GSE1: variants seen among roughly 807,000 people sequenced by gnomAD.
GSE1 encodes the protein Gse1 coiled-coil protein, also known as genetic suppressor element 1.
GSE1 carries 32 observed loss-of-function variants against 112.6 expected under a neutral mutation model. That is an observed-to-expected ratio of 0.28 (90% CI 0.21 to 0.38). The LOEUF (loss-of-function observed/expected upper bound fraction) is 0.38, where lower values mean the gene tolerates loss of function less well. GSE1 is among the 10% of genes least tolerant of loss of function. The pLI is 1.00. For missense variants in GSE1, 2,348 were observed against 1,699.2 expected (o/e 1.38, Z -6.71); for synonymous variants, 1,115 against 735.6 (o/e 1.52, Z -8.35).
intron 1 of GSE1, among the ~76,000 whole-genome samples, chr16:85,205,244 G>C (rs1466044412): frequency 2.0e-5 from 3 of 152,026 alleles, no homozygotes; most frequent in Non-Finnish European, 4.4e-5. Context: ...CTGTTCTCCT[G>C]CCTCAACCTC....
At chr16:85,519,780 A>G (rs976609257) in intron 2 of GSE1, among the ~76,000 whole-genome samples, 3 of 152,184 alleles carry the variant, frequency 2.0e-5, no homozygotes, top group Non-Finnish European at 2.9e-5. Flanking sequence ...CACCGTTGTC[A>G]TCACCACAAC....
chr16:85,264,048 C>T (rs1045830287), intron 1 of GSE1, among the ~76,000 whole-genome samples: 3 of 152,104 alleles, frequency 2.0e-5, no homozygotes, highest in African/African-American at 4.8e-5. Flanking sequence ...GCTCCACAGA[C>T]CCTTAGCACT....
intron 1 of GSE1, among the ~76,000 whole-genome samples, chr16:85,195,565 C>T (rs1015745332): frequency 9.2e-5 from 14 of 152,194 alleles, no homozygotes; most frequent in Admixed American, 5.2e-4. Context: ...TTGTCAAATC[C>T]GCCTTCTTCT....
chr16:85,510,183 G>A (rs2051686887), intron 2 of GSE1, among the ~76,000 whole-genome samples: 1 of 152,228 alleles, frequency 6.6e-6, no homozygotes, highest in Non-Finnish European at 1.5e-5. Context: ...CAGCTGCTCA[G>A]AAAGAAAGTG....
intron 1 of GSE1, among the ~76,000 whole-genome samples, chr16:85,262,427 C>CG (rs1307282721): frequency 2.0e-5 from 3 of 152,236 alleles, no homozygotes; most frequent in South Asian, 2.1e-4. Flanking sequence ...GTCTTTGCAC[C>CG]GGGGGGCCTC....
intron 1 of GSE1, among the ~76,000 whole-genome samples, chr16:85,198,781 C>T (rs2074975215): frequency 6.6e-6 from 1 of 151,912 alleles, no homozygotes. Flanking sequence ...GTGTGGGGTT[C>T]CTTCTTTTTT....
At chr16:85,502,539 C>T (rs2051404451) in intron 2 of GSE1, among the ~76,000 whole-genome samples, 2 of 152,202 alleles carry the variant, frequency 1.3e-5, no homozygotes, top group South Asian at 2.1e-4. Context: ...ACTCAGCCAG[C>T]GCTGGGCCAG....
chr16:85,566,897 G>A (rs978608897), intron 1 of GSE1, among the ~76,000 whole-genome samples: 9 of 152,184 alleles, frequency 5.9e-5, no homozygotes, highest in East Asian at 3.9e-4. Flanking sequence ...GGGCCGCAGC[G>A]GAAGGGCCGG....
At chr16:85,237,904 A>G (rs1904831541) in intron 1 of GSE1, among the ~76,000 whole-genome samples, 1 of 152,146 alleles carries the variant, frequency 6.6e-6, no homozygotes, top group South Asian at 2.1e-4. Context: ...AGACGGGCCT[A>G]TCTGCTGCTC....
chr16:85,478,903 C>CTTTCT (rs1190727690), intron 2 of GSE1, among the ~76,000 whole-genome samples: 1 of 67,532 alleles, frequency 1.5e-5, no homozygotes, highest in African/African-American at 7.0e-5. Context: ...TTCTTTCTTT[C>CTTTCT]TTTCTTTCTT....
At chr16:85,656,009 C>T in intron 6 of GSE1, 92 bp downstream of exon 6, 1 of 1,004,272 alleles carries the variant, frequency 1.0e-6, no homozygotes, top group Non-Finnish European at 1.5e-6. Flanking sequence ...TGACTGGACT[C>T]CTTGGCCATG....
rs1386170215 is a variant in GSE1, at chr16:85,323,814, T to A, written c.2284-33649T>A. Among the ~76,000 whole-genome samples the A allele has an allele frequency of 2.6e-5, 4 of 152,038 alleles. No individual in the cohort carries two copies. In the East Asian group the frequency reaches 7.7e-4, roughly 29 times the overall value. On this transcript the variant is annotated intron_variant, in intron 1 of 2. Transcript: ENST00000637419. ...TGCTGCATTGTTGTTGAGTGAGGAG[T>A]TCCCCCTTAGATGAGAAGGGGTCCT... is the stretch of plus-strand genomic sequence containing the variant.
chr16:85,227,637 G>A (rs770160044), intron 1 of GSE1, among the ~76,000 whole-genome samples: 3 of 152,182 alleles, frequency 2.0e-5, no homozygotes, highest in Non-Finnish European at 4.4e-5. Flanking sequence ...CGGGTGGTTG[G>A]GTCACTTGAG....
intron 1 of GSE1, among the ~76,000 whole-genome samples, chr16:85,345,610 C>T (rs1482858566): frequency 1.3e-5 from 2 of 152,276 alleles, no homozygotes; most frequent in Admixed American, 6.5e-5. Context: ...CCCACCCATC[C>T]GTTACTTTCT....
In GSE1 at chr16:85,666,145, G is replaced by A. The variant is rs746569433; in HGVS notation, c.2928G>A (p.Leu976=). The A allele has an allele frequency of 6.2e-7, 1 of 1,613,366 alleles. No individual in the cohort carries two copies. Among genetic ancestry groups the A allele is most frequent in the Non-Finnish European group, 8.5e-7 (1 of 1,179,980 alleles). The stretch of plus-strand genomic sequence containing the variant: ...CTGCCAGCGGGGAGAAGGCCAGGCT[G>A]AGCGAGGCCCCTGGAGGCAAAAAGA... ...LAPASGEKAR[L]SEAPGGKKSL... Residue 976 remains leucine (L), a synonymous_variant, in exon 13 of 16, where the codon CTG becomes CTA. Coordinates refer to ENST00000253458, the MANE Select transcript of GSE1 (RefSeq NM_014615.5).
At position 85,222,535 on chromosome 16, in the gene GSE1, A is replaced by C. The variant is rs576816045; in HGVS notation, c.2283+50728A>C. 2.0e-4 allele frequency among the ~76,000 whole-genome samples: 30 copies of C among 152,342 alleles called. 1 individual carries two copies. The highest frequency in any genetic ancestry group is 7.2e-4 in the African/African-American group (30 of 41,586). On this transcript the variant is annotated intron_variant, in intron 1 of 2. Coordinates refer to the GSE1 transcript ENST00000637419. ...CTTCAGATCTTGGAAAAACACCGCCAGGAGGCTGATAGCTATTTTTCACAA... is the reference window on the plus strand; with the variant it reads ...CTTCAGATCTTGGAAAAACACCGCCCGGAGGCTGATAGCTATTTTTCACAA...
chr16:85,304,601 C>CGGT (rs1555557423), intron 1 of GSE1, among the ~76,000 whole-genome samples: 28 of 78,218 alleles, frequency 3.6e-4, no homozygotes, highest in African/African-American at 1.2e-3. Context: ...AAGCCGGGGG[C>CGGT]GGGGGGGTGG....
chr16:85,539,314 G>A lies in GSE1; in HGVS notation c.2465-94600G>A, dbSNP rs536167108. Among the ~76,000 whole-genome samples, 5 of 152,326 alleles carry A rather than the reference G, an allele frequency of 3.3e-5. No individual in the cohort carries two copies. The South Asian group carries it at 8.3e-4, about 25-fold the overall frequency. On this transcript the variant is annotated intron_variant, in intron 2 of 2. Transcript: ENST00000637419. ...GTTTCCCGGCTCCAGCCACATGCCC[G>A]TAAGCACTTAATTGTGGGTGCAGTT...
intron 2 of GSE1, among the ~76,000 whole-genome samples, chr16:85,387,158 C>T (rs1297175170): frequency 6.6e-6 from 1 of 152,180 alleles, no homozygotes; most frequent in East Asian, 1.9e-4. Flanking sequence ...TACTGGAGTC[C>T]AGCACAGGGT....
Sources: allele counts gnomAD v4.1 joint callset (sites outside exome capture counted in the v4.1 genomes callset), GRCh38; gene constraint gnomAD v4.1.1; transcripts MANE v1.5; gene names NCBI Gene and HGNC (gene_info 2026-07-23, HGNC 2026-07-21).